CALCR: variants seen among roughly 807,000 people sequenced by gnomAD.
CALCR encodes the protein calcitonin receptor.
CALCR carries 47 observed loss-of-function variants against 59.5 expected under a neutral mutation model. The observed-to-expected ratio is 0.79, with a 90% CI of 0.63 to 1.01. The LOEUF is 1.01. CALCR is among the 50% of genes least tolerant of loss of function. The pLI, the probability that CALCR is intolerant of heterozygous loss-of-function variation, is 0.00. For synonymous variants in CALCR, 213 were observed against 211.3 expected (o/e 1.01, Z -0.07); for missense variants, 566 against 597.1 (o/e 0.95, Z 0.54).
intron 2 of CALCR, among the ~76,000 whole-genome samples, chr7:93,542,621 G>T (rs145945266): frequency 3.2e-4 from 49 of 151,968 alleles, no homozygotes; most frequent in Non-Finnish European, 5.6e-4. Context: ...AAATTTATGA[G>T]CTTTTAAATC....
At chr7:93,472,693 G>A (rs1184696516) in intron 5 of CALCR, among the ~76,000 whole-genome samples, 1 of 151,742 alleles carries the variant, frequency 6.6e-6, no homozygotes, top group Admixed American at 6.6e-5. Context: ...GCAAAGCCAT[G>A]TGAAGTAGGC....
At chr7:93,552,236 T>C (rs937374796) in intron 2 of CALCR, among the ~76,000 whole-genome samples, 1 of 152,158 alleles carries the variant, frequency 6.6e-6, no homozygotes, top group Admixed American at 6.6e-5. Flanking sequence ...AGAAAGTGGC[T>C]ATGAAAATTA....
At chr7:93,430,802 T>A (rs562349931) in intron 13 of CALCR, among the ~76,000 whole-genome samples, 217 of 152,280 alleles carry the variant, frequency 1.4e-3, no homozygotes, top group Non-Finnish European at 2.3e-3. Context: ...GGCCAAGCAA[T>A]CCCTGGTTTC....
chr7:93,526,644 T>C (rs866335429), intron 2 of CALCR, among the ~76,000 whole-genome samples: 1 of 152,146 alleles, frequency 6.6e-6, no homozygotes, highest in African/African-American at 2.4e-5. Context: ...TGATAATATA[T>C]GAAATTTTAT....
chr7:93,434,319 T>G lies in CALCR; in HGVS notation c.1150-25A>C, dbSNP rs776487242. On this transcript the variant is annotated intron_variant, in intron 12 of 13. Coordinates refer to ENST00000426151, the MANE Select transcript of CALCR (RefSeq NM_001742.4). ...CCTAAAAAGGGAAGGAAAAATACAG[T>G]TGAAGTTATTTTTGTGTGCATTATG... The G allele has an allele frequency of 4.4e-6, 7 of 1,579,548 alleles. No individual in the cohort carries two copies. The Admixed American group carries it at 8.4e-5, about 19-fold the overall frequency.
chr7:93,485,049 T>G (rs748234104), intron 3 of CALCR, among the ~76,000 whole-genome samples: 7 of 151,782 alleles, frequency 4.6e-5, no homozygotes, highest in Non-Finnish European at 1.0e-4. Context: ...TATTTCGGAT[T>G]AATTAGGAAC....
At chr7:93,492,691 G>T (rs1187549274) in intron 2 of CALCR, among the ~76,000 whole-genome samples, 1 of 151,378 alleles carries the variant, frequency 6.6e-6, no homozygotes, top group Non-Finnish European at 1.5e-5. Flanking sequence ...GGGTATAAAT[G>T]ATATAAGATG....
At chr7:93,460,073 T>C (rs1800283977) in intron 8 of CALCR, among the ~76,000 whole-genome samples, 1 of 152,124 alleles carries the variant, frequency 6.6e-6, no homozygotes, top group South Asian at 2.1e-4. Context: ...ATAGGAGAGA[T>C]GACTGGGCCA....
chr7:93,436,299 G>C, intron 11 of CALCR, 129 bp from the exon 12 acceptor site: 1 of 716,752 alleles, frequency 1.4e-6, no homozygotes, highest in Non-Finnish European at 2.3e-6. Context: ...GAGTCTACCT[G>C]AGAGGTAGCA....
At chr7:93,503,766 A>G (rs1187373702) in intron 2 of CALCR, among the ~76,000 whole-genome samples, 1 of 152,156 alleles carries the variant, frequency 6.6e-6, no homozygotes, top group Non-Finnish European at 1.5e-5. Context: ...TCTGCTTTCA[A>G]TCTGTCTTCA....
intron 8 of CALCR, among the ~76,000 whole-genome samples, chr7:93,446,627 C>T (rs1251412236): frequency 6.6e-6 from 1 of 151,916 alleles, no homozygotes; most frequent in Non-Finnish European, 1.5e-5. Context: ...TATAACCTTT[C>T]TGTCAAGGGT....
At chr7:93,573,311 G>A (rs36075385) in intron 2 of CALCR, among the ~76,000 whole-genome samples, 11,772 of 152,146 alleles carry the variant, frequency 0.077, 532 homozygotes, top group African/African-American at 0.085. Context: ...AAACTCGGAC[G>A]CTCTGTAATT....
At chr7:93,526,231 A>G (rs1437313908) in intron 2 of CALCR, among the ~76,000 whole-genome samples, 1 of 152,178 alleles carries the variant, frequency 6.6e-6, no homozygotes, top group African/African-American at 2.4e-5. Context: ...ACCCTAAGTG[A>G]TAAAGTGATT....
At chr7:93,465,521 G>T (rs1800422273) in intron 7 of CALCR, among the ~76,000 whole-genome samples, 2 of 151,806 alleles carry the variant, frequency 1.3e-5, no homozygotes, top group Non-Finnish European at 2.9e-5. Flanking sequence ...ATCTTTAACT[G>T]GTGTACCAGA....
chr7:93,527,470 C>T (rs1479674579), intron 2 of CALCR, among the ~76,000 whole-genome samples: 1 of 152,038 alleles, frequency 6.6e-6, no homozygotes, highest in Non-Finnish European at 1.5e-5. Context: ...ATAATTGCTA[C>T]AAACTTATAA....
In CALCR at chr7:93,534,114, T is replaced by G. The variant is rs532006929; in HGVS notation, c.-27+40175A>C. Among the ~76,000 whole-genome samples, 4 of 151,982 alleles carry G rather than the reference T, an allele frequency of 2.6e-5. No homozygotes were observed. In the East Asian group the frequency reaches 7.7e-4, roughly 29 times the overall value. On this transcript the variant is annotated intron_variant, in intron 2 of 13. Transcript: ENST00000426151. ...AGGTTTTGTCAATGTCATAAAGTTC[T>G]GTATCCAAATAGCTAAATATAAAGC...
intron 2 of CALCR, among the ~76,000 whole-genome samples, chr7:93,503,388 G>A (rs142458463): frequency 6.7e-6 from 1 of 150,190 alleles, no homozygotes; most frequent in African/African-American, 2.5e-5. Context: ...TCTGAGGAAG[G>A]AGAAAGCAAA....
intron 9 of CALCR, 23 bp from the exon 10 acceptor site, chr7:93,438,293 T>A (rs778118335): frequency 1.3e-6 from 2 of 1,590,966 alleles, no homozygotes; most frequent in Admixed American, 3.3e-5. Context: ...AAAGTACAAA[T>A]CACACTTGGT....
At chr7:93,485,101 A>C (rs984614195) in intron 3 of CALCR, among the ~76,000 whole-genome samples, 1 of 151,734 alleles carries the variant, frequency 6.6e-6, no homozygotes, top group Non-Finnish European at 1.5e-5. Flanking sequence ...TGTCAGTGTG[A>C]ACATAATAAA....
Sources: allele counts gnomAD v4.1 joint callset (sites outside exome capture counted in the v4.1 genomes callset), GRCh38; gene constraint gnomAD v4.1.1; transcripts MANE v1.5; gene names NCBI Gene and HGNC (gene_info 2026-07-23, HGNC 2026-07-21).